The following DOK6 variants were observed in gnomAD, a reference collection of about 807,000 sequenced individuals.
DOK6 encodes downstream of tyrosine kinase 6.
Under a neutral mutation model 44.0 loss-of-function variants are expected in DOK6, and 22 were observed. That is an observed-to-expected ratio of 0.50 (90% CI 0.36 to 0.71). The LOEUF (loss-of-function observed/expected upper bound fraction) is 0.71, where lower values mean the gene tolerates loss of function less well. Ranked by LOEUF, DOK6 falls within the 30% of genes least tolerant of loss-of-function variation. The probability of loss-of-function intolerance (pLI) is 0.00; values close to 1 mark genes in which losing one functional copy is unlikely to be tolerated. For synonymous variants in DOK6, 166 were observed against 145.5 expected (o/e 1.14, Z -1.01); for missense variants, 340 against 416.4 (o/e 0.82, Z 1.60).
intron 4 of DOK6, among the ~76,000 whole-genome samples, chr18:69,689,727 T>G (rs760003973): frequency 1.3e-5 from 2 of 152,164 alleles, no homozygotes; most frequent in Non-Finnish European, 2.9e-5. Context: ...GTAAACTCTA[T>G]GAACCAATAT....
chr18:69,436,102 T>C (rs1468420163), intron 1 of DOK6, among the ~76,000 whole-genome samples: 1 of 152,202 alleles, frequency 6.6e-6, no homozygotes, highest in South Asian at 2.1e-4. Context: ...TATTAAAATC[T>C]ATGTGATAAA....
chr18:69,737,480 G>A (rs149425730), intron 5 of DOK6, among the ~76,000 whole-genome samples: 40 of 152,234 alleles, frequency 2.6e-4, no homozygotes, highest in Non-Finnish European at 5.0e-4. Flanking sequence ...TGGACACATG[G>A]GGATTACAAT....
At position 69,767,950 on chromosome 18, in the gene DOK6, G is replaced by T. The variant is rs555571946; in HGVS notation, c.856+10077G>T. 1.9e-4 allele frequency among the ~76,000 whole-genome samples: 29 copies of T among 152,252 alleles called. No homozygotes were observed. The South Asian group carries it at 6.0e-3, about 32-fold the overall frequency. ...AGTTTCCAGATGTTACACTGGATTA[G>T]TATAATCCACCAATGGTTTTATTAA... On this transcript the variant is annotated intron_variant, in intron 7 of 7. Coordinates refer to ENST00000382713, the MANE Select transcript of DOK6 (RefSeq NM_152721.6).
intron 7 of DOK6, among the ~76,000 whole-genome samples, chr18:69,790,018 A>G (rs1980545216): frequency 6.6e-6 from 1 of 152,156 alleles, no homozygotes; most frequent in Admixed American, 6.6e-5. Context: ...TTGTTGCTAC[A>G]ATGGAGTAAC....
intron 3 of DOK6, chr18:69,643,830 T>C (rs1985003632): frequency 6.6e-6 from 1 of 152,196 alleles, no homozygotes; most frequent in Non-Finnish European, 1.5e-5. Flanking sequence ...TGTCGAAATG[T>C]TTTCCAAAAT....
At chr18:69,448,699 T>C (rs1979367125) in intron 1 of DOK6, among the ~76,000 whole-genome samples, 2 of 152,308 alleles carry the variant, frequency 1.3e-5, no homozygotes, top group South Asian at 4.1e-4. Context: ...TAGTTGATTA[T>C]ACCATCCTTG....
chr18:69,414,276 T>A (rs1417732355), intron 1 of DOK6, among the ~76,000 whole-genome samples: 1 of 152,094 alleles, frequency 6.6e-6, no homozygotes, highest in Non-Finnish European at 1.5e-5. Context: ...CATACAAACC[T>A]ATTCATGAAT....
intron 1 of DOK6, among the ~76,000 whole-genome samples, chr18:69,542,602 A>G (rs1982298503): frequency 6.6e-6 from 1 of 151,694 alleles, no homozygotes; most frequent in African/African-American, 2.4e-5. Context: ...CATTAAATTT[A>G]GGAGAACAAT....
At chr18:69,608,482 T>C (rs1984053754) in intron 3 of DOK6, among the ~76,000 whole-genome samples, 1 of 152,198 alleles carries the variant, frequency 6.6e-6, no homozygotes, top group Non-Finnish European at 1.5e-5. Context: ...GATTTGGATA[T>C]TCATAGTCTT....
At chr18:69,686,900 A>G (rs1986165423) in intron 4 of DOK6, among the ~76,000 whole-genome samples, 1 of 152,138 alleles carries the variant, frequency 6.6e-6, no homozygotes, top group Admixed American at 6.6e-5. Flanking sequence ...AAAGCCCTAT[A>G]ATCATTTAAA....
chr18:69,582,649 T>C (rs930036640), intron 2 of DOK6, among the ~76,000 whole-genome samples: 23 of 152,208 alleles, frequency 1.5e-4, no homozygotes, highest in African/African-American at 5.1e-4. Context: ...TAATCTGTTT[T>C]ATTCCTATTC....
chr18:69,466,715 C>T (rs891757479), intron 1 of DOK6, among the ~76,000 whole-genome samples: 2 of 148,802 alleles, frequency 1.3e-5, no homozygotes, highest in Non-Finnish European at 1.5e-5. Flanking sequence ...GATCAGTTAA[C>T]AATGTGTGTG....
At chr18:69,641,166 G>A (rs895244580) in intron 3 of DOK6, among the ~76,000 whole-genome samples, 5 of 150,854 alleles carry the variant, frequency 3.3e-5, no homozygotes, top group African/African-American at 1.2e-4. Flanking sequence ...AGTGAGCCGA[G>A]ATCATGCTAC....
At chr18:69,777,838 G>A (rs1023729657) in intron 7 of DOK6, 1 of 151,122 alleles carries the variant, frequency 6.6e-6, no homozygotes, top group Non-Finnish European at 1.5e-5. Flanking sequence ...ATCAACAAAG[G>A]GAAACATGAA....
At chr18:69,822,007 A>G (rs1981587691) in intron 7 of DOK6, among the ~76,000 whole-genome samples, 1 of 152,154 alleles carries the variant, frequency 6.6e-6, no homozygotes, top group Non-Finnish European at 1.5e-5. Flanking sequence ...AGTGAAAAAA[A>G]CATTGTCTGT....
chr18:69,644,016 A>G (rs1985009022), intron 3 of DOK6, among the ~76,000 whole-genome samples: 1 of 151,794 alleles, frequency 6.6e-6, no homozygotes. Context: ...TTTTGAGCAT[A>G]TTTTCAAGTG....
At chr18:69,821,682 T>C (rs956647239) in intron 7 of DOK6, among the ~76,000 whole-genome samples, 1 of 152,130 alleles carries the variant, frequency 6.6e-6, no homozygotes, top group Non-Finnish European at 1.5e-5. Flanking sequence ...ACAGGAGTCA[T>C]TCATTTTCTC....
Position 69,464,045 on chromosome 18 carries a change from A to G in DOK6, c.66+62735A>G, listed in dbSNP as rs889897555. Among the ~76,000 whole-genome samples the G allele has an allele frequency of 1.4e-4, 22 of 152,236 alleles. 1 individual carries two copies. Among genetic ancestry groups the G allele is most frequent in the Admixed American group, 1.4e-3 (21 of 15,268 alleles). ...TTCTGAACTCTACACCTGACAGCAT[A>G]AAGATCTGGACCGTCTAAAGATTTG... is the stretch of plus-strand genomic sequence containing the variant. On this transcript the variant is annotated intron_variant, in intron 1 of 7. Coordinates refer to ENST00000382713, the MANE Select transcript of DOK6 (RefSeq NM_152721.6).
intron 3 of DOK6, among the ~76,000 whole-genome samples, chr18:69,607,431 G>A (rs1022945578): frequency 1.3e-5 from 2 of 151,926 alleles, no homozygotes; most frequent in Non-Finnish European, 2.9e-5. Flanking sequence ...ATTCGAGAGC[G>A]ATTTAATTAC....
Sources: gnomAD v4.1 joint callset for allele counts (sites outside exome capture counted in the v4.1 genomes callset) on GRCh38, gnomAD v4.1.1 for gene constraint, MANE v1.5 for transcripts, NCBI Gene and HGNC (gene_info 2026-07-23, HGNC 2026-07-21) for gene names.